PTN: variants seen among roughly 807,000 people sequenced by gnomAD.
The protein encoded by PTN is pleiotrophin, also known as heparin affin regulatory protein.
PTN carries 18 observed loss-of-function variants against 24.1 expected under a neutral mutation model. The ratio of observed to expected loss-of-function variants is 0.75; its 90% CI spans 0.52 to 1.11. The LOEUF (loss-of-function observed/expected upper bound fraction) is 1.11, where lower values mean the gene tolerates loss of function less well. PTN is among the 50% of genes least tolerant of loss of function. The pLI is 0.00. For missense variants in PTN, 163 were observed against 198.8 expected (o/e 0.82, Z 1.08); for synonymous variants, 78 against 68.6 (o/e 1.14, Z -0.67).
At position 137,251,325 on chromosome 7, in the gene PTN, G is replaced by A. The variant is rs753642350; in HGVS notation, c.356C>T (p.Thr119Ile). 2 of 1,614,116 alleles carry A rather than the reference G, an allele frequency of 1.2e-6. No homozygotes were observed. Among genetic ancestry groups the A allele is most frequent in the Non-Finnish European group, 8.5e-7 (1 of 1,179,998 alleles). ...GTGCAGGGCTCGCTTCAGACTTCCAGTTCTGGTCTTCAGGGCTGTGTTCAG... is the reference window on the plus strand; with the variant it reads ...GTGCAGGGCTCGCTTCAGACTTCCAATTCTGGTCTTCAGGGCTGTGTTCAG... ...CDLNTALKTR[T>I]GSLKRALHNA... The change falls in exon 4 of 5, where the codon ACT (threonine) becomes ATT (isoleucine). Residue 119 changes from threonine (T) to isoleucine (I), a missense_variant. Thr to Ile is a moderately conservative substitution (Grantham distance 89). Transcript: ENST00000348225.
chr7:137,228,903 GC>G (rs1423598769), intron 4 of PTN, among the ~76,000 whole-genome samples: 1 of 151,774 alleles, frequency 6.6e-6, no homozygotes, highest in African/African-American at 2.4e-5. Flanking sequence ...ATATTTCTGA[GC>G]CACTTCTCCA....
At chr7:137,340,610 C>G (rs996417021) in intron 1 of PTN, among the ~76,000 whole-genome samples, 3 of 152,216 alleles carry the variant, frequency 2.0e-5, no homozygotes, top group Non-Finnish European at 4.4e-5. Flanking sequence ...ACTTCGCCTC[C>G]CACAGCAGTG....
At chr7:137,238,027 C>T (rs888160854) in intron 4 of PTN, among the ~76,000 whole-genome samples, 4 of 152,208 alleles carry the variant, frequency 2.6e-5, no homozygotes, top group Non-Finnish European at 4.4e-5. Context: ...TTCCTTCTTG[C>T]TCTTTGGATT....
At chr7:137,316,673 G>T (rs1810077756) in intron 1 of PTN, among the ~76,000 whole-genome samples, 1 of 152,160 alleles carries the variant, frequency 6.6e-6, no homozygotes, top group Admixed American at 6.5e-5. Context: ...TGCAGAAAAT[G>T]GCCAGGCAAT....
intron 1 of PTN, among the ~76,000 whole-genome samples, chr7:137,310,830 C>T (rs1332321521): frequency 6.6e-6 from 1 of 152,198 alleles, no homozygotes; most frequent in Non-Finnish European, 1.5e-5. Flanking sequence ...TGCTGCTTCA[C>T]TTGCACTTTT....
At chr7:137,252,824 T>C (rs1015061808) in intron 3 of PTN, among the ~76,000 whole-genome samples, 4 of 149,310 alleles carry the variant, frequency 2.7e-5, no homozygotes, top group Non-Finnish European at 4.4e-5. Flanking sequence ...CTGTCTCAGA[T>C]AGATAGATCA....
At chr7:137,276,813 C>A in intron 1 of PTN, among the ~76,000 whole-genome samples, 1 of 151,524 alleles carries the variant, frequency 6.6e-6, no homozygotes, top group African/African-American at 2.4e-5. Context: ...AAAAAAATCA[C>A]AAAAAATATT....
intron 1 of PTN, among the ~76,000 whole-genome samples, chr7:137,267,882 G>C (rs1011101193): frequency 7.9e-5 from 12 of 152,068 alleles, no homozygotes; most frequent in African/African-American, 2.9e-4. Flanking sequence ...ACAAAGTGCC[G>C]ATACAGGCAT....
intron 1 of PTN, among the ~76,000 whole-genome samples, chr7:137,261,070 CCAAT>C (rs1411230801): frequency 1.3e-5 from 2 of 151,730 alleles, no homozygotes; most frequent in Non-Finnish European, 2.9e-5. Context: ...TAAAATACAG[CCAAT>C]CACTTTTTCT....
At chr7:137,278,379 C>T (rs2128875569) in intron 1 of PTN, among the ~76,000 whole-genome samples, 1 of 130,894 alleles carries the variant, frequency 7.6e-6, no homozygotes, top group East Asian at 2.3e-4. Flanking sequence ...ATTAGATAAA[C>T]AAGCAAGACC....
At chr7:137,243,776 G>T (rs1808674291) in intron 4 of PTN, among the ~76,000 whole-genome samples, 1 of 152,134 alleles carries the variant, frequency 6.6e-6, no homozygotes, top group African/African-American at 2.4e-5. Context: ...GTTTCGGAGG[G>T]TCACCTGTGG....
At chr7:137,267,030 A>G (rs1809164040) in intron 1 of PTN, among the ~76,000 whole-genome samples, 3 of 152,188 alleles carry the variant, frequency 2.0e-5, no homozygotes, top group Admixed American at 2.0e-4. Context: ...GTGGTATTAC[A>G]GTGTTACAGG....
chr7:137,266,958 G>GGGTTTCTGATAGGAA (rs1489710750), intron 1 of PTN, among the ~76,000 whole-genome samples: 1 of 151,216 alleles, frequency 6.6e-6, no homozygotes, highest in Non-Finnish European at 1.5e-5. Context: ...ACTGGGTTAA[G>GGGTTTCTGATAGGAA]GGTTTCTGAT....
At chr7:137,319,491 G>A (rs1408697303) in intron 1 of PTN, among the ~76,000 whole-genome samples, 4 of 152,178 alleles carry the variant, frequency 2.6e-5, no homozygotes, top group African/African-American at 7.2e-5. Context: ...GGCTGAAAGC[G>A]AACATCTCTT....
At chr7:137,339,568 C>CAAAAAAAAAAAAAAAAAAAAAAAAAAA (rs58934357) in intron 1 of PTN, among the ~76,000 whole-genome samples, 2 of 123,818 alleles carry the variant, frequency 1.6e-5, no homozygotes, top group Non-Finnish European at 1.6e-5. Context: ...GGTCTTGAAT[C>CAAAAAAAAAAAAAAAAAAAAAAAAAAA]AAAAAAAAAA....
intron 1 of PTN, among the ~76,000 whole-genome samples, chr7:137,273,110 C>T (rs1809303651): frequency 6.6e-6 from 1 of 152,100 alleles, no homozygotes; most frequent in Non-Finnish European, 1.5e-5. Flanking sequence ...ATCAATACAT[C>T]CTTTAAGGGA....
At chr7:137,244,871 T>G (rs575483524) in intron 4 of PTN, among the ~76,000 whole-genome samples, 1 of 152,300 alleles carries the variant, frequency 6.6e-6, no homozygotes, top group African/African-American at 2.4e-5. Context: ...TAAGGCAATT[T>G]TTAACCAAAC....
chr7:137,285,962 A>C (rs2128876645), intron 1 of PTN, among the ~76,000 whole-genome samples: 1 of 152,368 alleles, frequency 6.6e-6, no homozygotes, highest in African/African-American at 2.4e-5. Flanking sequence ...TATATTCTAC[A>C]GTCTTGGTTA....
At chr7:137,320,511 TA>T (rs1810146244) in intron 1 of PTN, among the ~76,000 whole-genome samples, 1 of 152,192 alleles carries the variant, frequency 6.6e-6, no homozygotes, top group Admixed American at 6.5e-5. Context: ...GCATTTATTA[TA>T]GAGATTTGGA....
Sources: gnomAD v4.1 joint callset for allele counts (sites outside exome capture counted in the v4.1 genomes callset) on GRCh38, gnomAD v4.1.1 for gene constraint, MANE v1.5 for transcripts, NCBI Gene and HGNC (gene_info 2026-07-23, HGNC 2026-07-21) for gene names.